The following GDI2 variants were observed in gnomAD, a reference collection of about 807,000 sequenced individuals.
GDI2 encodes rab GDP dissociation inhibitor beta.
A neutral mutation model predicts 54.2 loss-of-function variants in GDI2; 22 were observed. That is an observed-to-expected ratio of 0.41 (90% CI 0.29 to 0.58). GDI2 has a LOEUF of 0.58. GDI2 is among the 20% of genes least tolerant of loss of function. GDI2 has a pLI of 0.35. For synonymous variants in GDI2, 177 were observed against 182.1 expected, an observed-to-expected ratio of 0.97 and a Z score of 0.23; for missense variants, 422 against 546.0, an observed-to-expected ratio of 0.77 and a Z score of 2.26.
Position 5,768,649 on chromosome 10 carries a change from CGAG to C in GDI2, c.820-268_820-266del, listed in dbSNP as rs751746735. 2.1e-4 allele frequency: 70 copies of C among 326,088 alleles called. No individual in the cohort carries two copies. Among genetic ancestry groups the C allele is most frequent in the Non-Finnish European group, 3.1e-4 (55 of 177,844 alleles). 20.2% of individuals were successfully genotyped at this position (326,088 alleles called of 1,614,324 possible). A position where few individuals can be genotyped will look rare whatever the true frequency, so the allele number is the denominator to read the frequency against. ...ATGACAAACGTATGGACCAATGAAA[CGAG>C]GAGAGAGCCAGAAATAAACCCTCGC... On this transcript the variant is annotated intron_variant, in intron 7 of 10. Transcript: ENST00000380191. This position sits in a 1 kb window ranked among gnomAD's most constrained non-coding sequence, Gnocchi z 4.4.
At chr10:5,782,928 C>T (rs1840793271) in intron 6 of GDI2, among the ~76,000 whole-genome samples, 1 of 152,034 alleles carries the variant, frequency 6.6e-6, no homozygotes, top group Non-Finnish European at 1.5e-5. Context: ...AGTGGAACTC[C>T]ATCTCCAAAA....
chr10:5,787,891 C>A (rs943374982), intron 4 of GDI2, among the ~76,000 whole-genome samples: 1 of 152,206 alleles, frequency 6.6e-6, no homozygotes, highest in African/African-American at 2.4e-5. Flanking sequence ...AAATAAAAAT[C>A]TATCATGTTT....
At position 5,813,270 on chromosome 10, in the gene GDI2, C is replaced by T. The variant is rs1231385252; in HGVS notation, c.-12G>A. ...TACTCCTCATTCATGGCGGGGCAGG[C>T]GCGGACGCAGGACCCGAGCAAGGAA... On this transcript the variant is annotated 5_prime_UTR_variant, in exon 1 of 11. Coordinates refer to ENST00000380191, the MANE Select transcript of GDI2 (RefSeq NM_001494.4). The T allele has an allele frequency of 6.4e-7, 1 of 1,568,294 alleles. No homozygotes were observed. The highest frequency in any genetic ancestry group is 8.6e-7 in the Non-Finnish European group (1 of 1,159,984).
chr10:5,768,108 G>A lies in GDI2; in HGVS notation c.991+105C>T, dbSNP rs979806144. 7.8e-6 allele frequency: 7 copies of A among 896,176 alleles called. No individual in the cohort carries two copies. Among genetic ancestry groups the A allele is most frequent in the Non-Finnish European group, 1.2e-5 (7 of 565,570 alleles). 55.5% of individuals were successfully genotyped at this position (896,176 alleles called of 1,614,324 possible). On this transcript the variant is annotated intron_variant, in intron 8 of 10. Transcript: ENST00000380191. The surrounding 1 kb of genome is among the most constrained non-coding windows in gnomAD (Gnocchi z 4.4). ...TTTTTTCCCCCATATGTAAACCAAG[G>A]TCTGTTCACTAATACAGCATACAAA...
chr10:5,777,612 G>A (rs897247565), intron 6 of GDI2, among the ~76,000 whole-genome samples: 1 of 152,224 alleles, frequency 6.6e-6, no homozygotes, highest in Non-Finnish European at 1.5e-5. Context: ...CTGGAATGGT[G>A]ATCGTTAAAA....
chr10:5,804,096 C>CTTT (rs34897650), intron 1 of GDI2, among the ~76,000 whole-genome samples: 6 of 147,344 alleles, frequency 4.1e-5, no homozygotes, highest in South Asian at 2.1e-4. Flanking sequence ...ATCATTCTTT[C>CTTT]TTTTTTTTTT....
intron 1 of GDI2, among the ~76,000 whole-genome samples, chr10:5,807,705 T>C (rs1389190630): frequency 6.6e-6 from 1 of 152,180 alleles, no homozygotes; most frequent in Non-Finnish European, 1.5e-5. Context: ...CTAGTACGTG[T>C]AGATATGTGG....
Position 5,765,866 on chromosome 10 carries a change from A to C in GDI2, c.*140T>G, listed in dbSNP as rs1840312331. 1.6e-6 allele frequency: 1 copy of C among 624,506 alleles called. No homozygotes were observed. The highest frequency in any genetic ancestry group is 2.9e-5 in the East Asian group (1 of 34,460). The allele number at this position is 624,506 out of a possible 1,614,324, so 38.7% of individuals were successfully genotyped here. A position where few individuals can be genotyped will look rare whatever the true frequency, so the allele number is the denominator to read the frequency against. On this transcript the variant is annotated 3_prime_UTR_variant, in exon 11 of 11. Coordinates refer to ENST00000380191, the MANE Select transcript of GDI2 (RefSeq NM_001494.4). Reference sequence around the variant, plus strand: ...AAACAAGTTAATAATTAGAAAGGTGAAGGGGAGTATTTACTGGCACAGCGC... The same window carrying C: ...AAACAAGTTAATAATTAGAAAGGTGCAGGGGAGTATTTACTGGCACAGCGC...
chr10:5,785,397 C>T, intron 5 of GDI2, 124 bp from the exon 6 acceptor site: 1 of 716,344 alleles, frequency 1.4e-6, no homozygotes, highest in Non-Finnish European at 2.4e-6. Context: ...TTTTTTGAGA[C>T]AGGGTCTCAC....
chr10:5,773,199 TAATGTTA>T (rs201849504), intron 7 of GDI2, among the ~76,000 whole-genome samples: 2,042 of 152,250 alleles, frequency 0.013, 45 homozygotes, highest in African/African-American at 0.047. Context: ...CCACACAGCT[TAATGTTA>T]AAAAGATAAA....
intron 1 of GDI2, among the ~76,000 whole-genome samples, 172 bp downstream of exon 1, chr10:5,813,042 G>A (rs1367512890): frequency 6.6e-6 from 1 of 152,090 alleles, no homozygotes; most frequent in Non-Finnish European, 1.5e-5. Context: ...CTCGCCCCGG[G>A]ACGCGGGGCG....
intron 7 of GDI2, chr10:5,769,139 A>G (rs1042128513): frequency 6.6e-6 from 1 of 152,102 alleles, no homozygotes; most frequent in Non-Finnish European, 1.5e-5. Flanking sequence ...AAAAACAATA[A>G]AGAAATTTTT....
chr10:5,794,233 A>ATATATATATATAT (rs1486909561), intron 4 of GDI2, among the ~76,000 whole-genome samples: 1 of 126,836 alleles, frequency 7.9e-6, no homozygotes, highest in Non-Finnish European at 1.6e-5. Flanking sequence ...ATATATATAT[A>ATATATATATATAT]AAACTCACCA....
At chr10:5,771,776 A>G (rs1468135391) in intron 7 of GDI2, among the ~76,000 whole-genome samples, 1 of 152,212 alleles carries the variant, frequency 6.6e-6, no homozygotes, top group East Asian at 1.9e-4. Context: ...GAATAAAAGT[A>G]ACTTTCAGAA....
At chr10:5,795,287 T>C (rs1841120427) in intron 3 of GDI2, among the ~76,000 whole-genome samples, 1 of 152,068 alleles carries the variant, frequency 6.6e-6, no homozygotes, top group Admixed American at 6.6e-5. Context: ...TGGCTAATTT[T>C]TTTTTGTATT....
At chr10:5,800,559 CA>C (rs1564398122) in intron 2 of GDI2, 38 bp downstream of exon 2, 1 of 929,766 alleles carries the variant, frequency 1.1e-6, no homozygotes, top group Admixed American at 1.7e-5. Context: ...GAAATACTCA[CA>C]AAGTGTGAGA....
intron 6 of GDI2, among the ~76,000 whole-genome samples, chr10:5,775,076 G>A (rs977265110): frequency 1.3e-5 from 2 of 152,194 alleles, no homozygotes; most frequent in South Asian, 2.1e-4. Context: ...TGGCTTGAAC[G>A]CAGGAGTTTA....
intron 1 of GDI2, among the ~76,000 whole-genome samples, chr10:5,806,697 C>T (rs1398979867): frequency 6.6e-6 from 1 of 151,934 alleles, no homozygotes; most frequent in African/African-American, 2.4e-5. Context: ...AAACAATTTA[C>T]TTTTGGGGGG....
chr10:5,781,016 G>C (rs878942894), intron 6 of GDI2, among the ~76,000 whole-genome samples: 6 of 152,240 alleles, frequency 3.9e-5, no homozygotes, highest in Admixed American at 3.9e-4. Flanking sequence ...TATCCAGACA[G>C]TGTAGTACTG....
Sources: allele counts gnomAD v4.1 joint callset (sites outside exome capture counted in the v4.1 genomes callset), GRCh38; gene constraint gnomAD v4.1.1; non-coding constraint Gnocchi (gnomAD v3.1); transcripts MANE v1.5; gene names NCBI Gene and HGNC (gene_info 2026-07-23, HGNC 2026-07-21).